PRP4K: variants seen among roughly 807,000 people sequenced by gnomAD.
PRP4K encodes pre-mRNA processing factor kinase PRP4K.
chr6:4,054,758 C>T, the PRP4K span, among the ~76,000 whole-genome samples: 1 of 152,200 alleles, frequency 6.6e-6, no homozygotes, highest in East Asian at 1.9e-4. Flanking sequence ...CCCGCCTCGT[C>T]CTCCCAAAGT....
the PRP4K span, chr6:4,060,376 CTTAT>C: frequency 1.7e-5 from 26 of 1,573,180 alleles, no homozygotes; most frequent in East Asian, 2.3e-5. This position sits in a 1 kb window ranked among gnomAD's most constrained non-coding sequence, Gnocchi z 4.7. Context: ...TGCTTAGTAA[CTTAT>C]TTAGAGATAC....
At chr6:4,043,741 A>C in the PRP4K span, 1 of 1,416,258 alleles carries the variant, frequency 7.1e-7, no homozygotes, top group African/African-American at 1.4e-5. Flanking sequence ...CACTGCAGCA[A>C]CTCTTAGCCA....
the PRP4K span, among the ~76,000 whole-genome samples, chr6:4,025,538 G>C: frequency 6.6e-6 from 1 of 152,088 alleles, no homozygotes; most frequent in Non-Finnish European, 1.5e-5. Context: ...TGATTGTACC[G>C]AGCTGGTAGC....
At chr6:4,032,969 A>G in the PRP4K span, among the ~76,000 whole-genome samples, 1 of 152,250 alleles carries the variant, frequency 6.6e-6, no homozygotes, top group African/African-American at 2.4e-5. Flanking sequence ...TGTTTAACAA[A>G]TACTGAGCTT....
At chr6:4,059,865 G>A in the PRP4K span, among the ~76,000 whole-genome samples, 4 of 152,246 alleles carry the variant, frequency 2.6e-5, no homozygotes, top group Admixed American at 6.5e-5. Flanking sequence ...GGCTGGTCTC[G>A]AATTCCTGAG....
At chr6:4,057,900 C>T in the PRP4K span, among the ~76,000 whole-genome samples, 1 of 152,032 alleles carries the variant, frequency 6.6e-6, no homozygotes, top group African/African-American at 2.4e-5. Context: ...AGGCATGAGC[C>T]ACCGCACCCG....
the PRP4K span, among the ~76,000 whole-genome samples, chr6:4,024,293 T>G: frequency 6.6e-6 from 1 of 152,144 alleles, no homozygotes; most frequent in Non-Finnish European, 1.5e-5. Context: ...CATTTGAGCC[T>G]AGGAGTTTGA....
the PRP4K span, among the ~76,000 whole-genome samples, chr6:4,034,309 TCTC>T: frequency 6.6e-6 from 1 of 151,960 alleles, no homozygotes; most frequent in Non-Finnish European, 1.5e-5. Flanking sequence ...ATAGTATCAT[TCTC>T]CTATTGAAAC....
the PRP4K span, chr6:4,049,598 T>C: frequency 2.3e-6 from 2 of 875,090 alleles, no homozygotes; most frequent in Non-Finnish European, 3.5e-6. Flanking sequence ...GAGGCATGGC[T>C]TTGATTCTTC....
At chr6:4,056,618 A>G in the PRP4K span, 2 of 1,583,478 alleles carry the variant, frequency 1.3e-6, no homozygotes, top group Non-Finnish European at 8.5e-7. Context: ...AGTCTTGATC[A>G]TGTCGGGCAA....
the PRP4K span, among the ~76,000 whole-genome samples, chr6:4,060,070 AC>A: frequency 6.6e-6 from 1 of 152,332 alleles, no homozygotes; most frequent in South Asian, 2.1e-4. This position sits in a 1 kb window ranked among gnomAD's most constrained non-coding sequence, Gnocchi z 4.7. Flanking sequence ...GCGTCACATA[AC>A]CACAGCATAC....
At chr6:4,035,071 TTATATATACA>T in the PRP4K span, among the ~76,000 whole-genome samples, 1 of 151,944 alleles carries the variant, frequency 6.6e-6, no homozygotes. Flanking sequence ...TCCCATCCAT[TTATATATACA>T]TATATATACA....
the PRP4K span, among the ~76,000 whole-genome samples, chr6:4,051,311 TTTTG>T: frequency 2.1e-3 from 313 of 151,936 alleles, no homozygotes; most frequent in African/African-American, 5.9e-3. Flanking sequence ...TTTTGTTTGT[TTTTG>T]TTTGTTTGTT....
the PRP4K span, among the ~76,000 whole-genome samples, chr6:4,048,671 G>A: frequency 1.8e-4 from 27 of 151,998 alleles, no homozygotes; most frequent in Middle Eastern, 3.4e-3. Context: ...GAGCTCAAGC[G>A]ATCTTCCTGC....
At chr6:4,039,615 AGAG>A in the PRP4K span, among the ~76,000 whole-genome samples, 1 of 152,134 alleles carries the variant, frequency 6.6e-6, no homozygotes, top group Non-Finnish European at 1.5e-5. Flanking sequence ...ACCATCTTGC[AGAG>A]GATAGGGAGT....
At chr6:4,022,437 T>C in the PRP4K span, among the ~76,000 whole-genome samples, 5 of 150,650 alleles carry the variant, frequency 3.3e-5, no homozygotes, top group East Asian at 9.8e-4. Flanking sequence ...TTTACGGCAA[T>C]GTTCCTATAG....
the PRP4K span, among the ~76,000 whole-genome samples, chr6:4,022,472 T>G: frequency 6.7e-4 from 55 of 82,470 alleles, 1 homozygote; most frequent in East Asian, 0.023. Flanking sequence ...TTTTGTTTTG[T>G]TTTTTGTTTT....
chr6:4,022,413 CAG>C, the PRP4K span, among the ~76,000 whole-genome samples: 2 of 151,070 alleles, frequency 1.3e-5, no homozygotes, highest in Admixed American at 1.3e-4. Flanking sequence ...AGAACCTTAA[CAG>C]AGAGAATGGA....
the PRP4K span, chr6:4,040,810 G>A: frequency 2.0e-5 from 32 of 1,613,792 alleles, no homozygotes; most frequent in Non-Finnish European, 2.5e-5. Context: ...TTGCGAAGGC[G>A]GTCTCGATCA....
Sources: gnomAD v4.1 joint callset for allele counts (sites outside exome capture counted in the v4.1 genomes callset) on GRCh38, gnomAD v4.1.1 for gene constraint, Gnocchi (gnomAD v3.1) non-coding constraint, MANE v1.5 for transcripts, NCBI Gene and HGNC (gene_info 2026-07-23, HGNC 2026-07-21) for gene names.